The following PLEKHH2 variants were observed in gnomAD, a reference collection of about 807,000 sequenced individuals.
PLEKHH2 encodes pleckstrin homology domain-containing family H member 2.
PLEKHH2 carries 129 observed loss-of-function variants against 187.9 expected under a neutral mutation model. The observed-to-expected ratio is 0.69, with a 90% CI of 0.59 to 0.79. The LOEUF (loss-of-function observed/expected upper bound fraction) is 0.79, where lower values mean the gene tolerates loss of function less well. Ranked by LOEUF, PLEKHH2 falls within the 30% of genes least tolerant of loss-of-function variation. The pLI is 0.00. For missense variants in PLEKHH2, 2,076 were observed against 1,751.2 expected, an observed-to-expected ratio of 1.19 and a Z score of -3.31; for synonymous variants, 686 against 605.6, an observed-to-expected ratio of 1.13 and a Z score of -1.95.
chr2:43,678,902 CAAGCAGAAA>C lies in PLEKHH2; in HGVS notation c.168_176del (p.Glu57_Ala59del). The C allele has an allele frequency of 6.2e-7, 1 of 1,609,134 alleles. No individual in the cohort carries two copies. Among genetic ancestry groups the C allele is most frequent in the Non-Finnish European group, 8.5e-7 (1 of 1,176,800 alleles). ...GAGACAAGTTATTGATGCTGAACGTCAAGCAGAAAAAGCTTTTCAACAGGTAGAGTATAA... is the reference window on the plus strand; with the variant it reads ...GAGACAAGTTATTGATGCTGAACGTCAAGCTTTTCAACAGGTAGAGTATAA... On this transcript the variant is annotated inframe_deletion, in exon 3 of 30. Coordinates refer to ENST00000282406, the MANE Select transcript of PLEKHH2 (RefSeq NM_172069.4).
At chr2:43,734,057 GA>G in intron 19 of PLEKHH2, among the ~76,000 whole-genome samples, 1 of 152,206 alleles carries the variant, frequency 6.6e-6, no homozygotes, top group African/African-American at 2.4e-5. Flanking sequence ...CCAAAGCATA[GA>G]AAAAGAAGGA....
intron 3 of PLEKHH2, among the ~76,000 whole-genome samples, chr2:43,691,287 G>C (rs901446416): frequency 6.6e-6 from 1 of 152,230 alleles, no homozygotes; most frequent in South Asian, 2.1e-4. Flanking sequence ...TTAGCGGAGA[G>C]GGGATGTTGG....
chr2:43,745,955 C>T lies in PLEKHH2; in HGVS notation c.3645C>T (p.Tyr1215=), dbSNP rs1671761446. The T allele has an allele frequency of 3.1e-6, 5 of 1,605,242 alleles. No homozygotes were observed. Among genetic ancestry groups the T allele is most frequent in the Non-Finnish European group, 3.4e-6 (4 of 1,173,582 alleles). ...CEGTRTVRLT[Y]KNRLYFSVQA... is the part of the protein sequence containing the mutation. ...GTACAAGGACTGTTCGTCTGACATACAAAAACAGGTGTGTAATACTGCATC... is the reference window on the plus strand; with the variant it reads ...GTACAAGGACTGTTCGTCTGACATATAAAAACAGGTGTGTAATACTGCATC... Residue 1215 remains tyrosine, a synonymous_variant, in exon 24 of 30, where the codon TAC becomes TAT. Coordinates refer to ENST00000282406, the MANE Select transcript of PLEKHH2 (RefSeq NM_172069.4).
At chr2:43,709,877 T>C in intron 11 of PLEKHH2, 113 bp from the exon 12 acceptor site, 3 of 1,093,228 alleles carry the variant, frequency 2.7e-6, no homozygotes, top group Non-Finnish European at 3.9e-6. Context: ...ATAAATCTAG[T>C]CTAGGGAGGC....
chr2:43,753,790 T>G, intron 25 of PLEKHH2, 30 bp downstream of exon 25: 1 of 1,448,404 alleles, frequency 6.9e-7, no homozygotes, highest in Non-Finnish European at 9.2e-7. Flanking sequence ...GAGTAATATA[T>G]TGAAATAATA....
intron 22 of PLEKHH2, 136 bp downstream of exon 22, chr2:43,743,054 G>T (rs1483404490): frequency 1.6e-6 from 1 of 622,074 alleles, no homozygotes; most frequent in Non-Finnish European, 2.4e-6. Flanking sequence ...TTTACTATCA[G>T]AACAGCTGAG....
At chr2:43,755,734 G>C (rs1672188821) in intron 25 of PLEKHH2, among the ~76,000 whole-genome samples, 1 of 152,178 alleles carries the variant, frequency 6.6e-6, no homozygotes, top group Non-Finnish European at 1.5e-5. Flanking sequence ...GATGCCGGCT[G>C]TTTGTGGGGA....
At chr2:43,710,866 A>G (rs376155639) in intron 14 of PLEKHH2, 38 of 1,155,774 alleles carry the variant, frequency 3.3e-5, no homozygotes, top group East Asian at 4.9e-5. Context: ...CTGTGAAGCT[A>G]TTTTAAGGAA....
chr2:43,754,068 A>C (rs1672107296), intron 25 of PLEKHH2, among the ~76,000 whole-genome samples: 1 of 151,822 alleles, frequency 6.6e-6, no homozygotes, highest in African/African-American at 2.4e-5. Flanking sequence ...TGTCATGCTG[A>C]AATCGCTTGG....
chr2:43,646,057 T>C (rs188447306), intron 2 of PLEKHH2, among the ~76,000 whole-genome samples: 84 of 152,258 alleles, frequency 5.5e-4, no homozygotes, highest in African/African-American at 2.0e-3. Context: ...TAACATCTTT[T>C]AGGTAGAAGA....
chr2:43,731,729 T>G (rs2104572925), intron 19 of PLEKHH2, 127 bp downstream of exon 19: 1 of 611,538 alleles, frequency 1.6e-6, no homozygotes, highest in Non-Finnish European at 2.8e-6. Flanking sequence ...CAAAATGTGT[T>G]TATTATTAAG....
At chr2:43,687,398 A>T (rs1026831618) in intron 3 of PLEKHH2, among the ~76,000 whole-genome samples, 1 of 152,108 alleles carries the variant, frequency 6.6e-6, no homozygotes, top group African/African-American at 2.4e-5. Context: ...CTCACCATTG[A>T]TGGGCACCTT....
At chr2:43,647,355 C>G (rs545973167) in intron 2 of PLEKHH2, among the ~76,000 whole-genome samples, 1 of 152,338 alleles carries the variant, frequency 6.6e-6, no homozygotes, top group Non-Finnish European at 1.5e-5. Flanking sequence ...ACTGAGTTCA[C>G]ACTAAAAAGT....
At chr2:43,657,185 G>T (rs943984542) in intron 2 of PLEKHH2, among the ~76,000 whole-genome samples, 2 of 152,192 alleles carry the variant, frequency 1.3e-5, no homozygotes, top group Non-Finnish European at 2.9e-5. Flanking sequence ...CTGGAGGGTG[G>T]ACTCACTGCG....
In PLEKHH2 at chr2:43,700,009, C is replaced by T; in HGVS notation, c.1051C>T (p.Leu351=). 6.2e-7 allele frequency: 1 copy of T among 1,614,158 alleles called. No homozygotes were observed. ...CATAAAGAGACCAGAACACAAGAAG[C>T]TATATTCTTGGCAGCAGGAGGCACA... The part of the protein sequence containing the change: ...FGIKRPEHKK[L]YSWQQEAQWK... The change falls in exon 8 of 30, where the codon CTA becomes TTA. Residue 351 remains leucine (L), a synonymous_variant. Transcript: ENST00000282406.
chr2:43,736,908 A>T (rs1290346553), intron 19 of PLEKHH2, among the ~76,000 whole-genome samples: 1 of 152,196 alleles, frequency 6.6e-6, no homozygotes, highest in Admixed American at 6.5e-5. Flanking sequence ...TCGTGTTTTC[A>T]TCTGAGAACT....
At chr2:43,652,213 G>C (rs1666510716) in intron 2 of PLEKHH2, among the ~76,000 whole-genome samples, 1 of 152,096 alleles carries the variant, frequency 6.6e-6, no homozygotes, top group Non-Finnish European at 1.5e-5. Context: ...CTAGACATTT[G>C]GCAGATGGGT....
At chr2:43,703,355 G>A (rs1214020236) in intron 8 of PLEKHH2, among the ~76,000 whole-genome samples, 1 of 152,052 alleles carries the variant, frequency 6.6e-6, no homozygotes, top group African/African-American at 2.4e-5. Context: ...ATCTACTTTT[G>A]GAACAAGATA....
At chr2:43,697,435 C>A in intron 7 of PLEKHH2, 79 bp downstream of exon 7, 1 of 1,131,478 alleles carries the variant, frequency 8.8e-7, no homozygotes, top group Non-Finnish European at 1.2e-6. Flanking sequence ...CCAAATATAG[C>A]TTAATTTTCC....
Sources: gnomAD v4.1 joint callset for allele counts (sites outside exome capture counted in the v4.1 genomes callset) on GRCh38, gnomAD v4.1.1 for gene constraint, MANE v1.5 for transcripts, NCBI Gene and HGNC (gene_info 2026-07-23, HGNC 2026-07-21) for gene names.